CST6: variants seen among roughly 807,000 people sequenced by gnomAD.
CST6 encodes cystatin-M.
In CST6, 8 loss-of-function variants were observed where a neutral mutation model predicts 10.7. The ratio of observed to expected loss-of-function variants is 0.75; its 90% confidence interval spans 0.44 to 1.34. The LOEUF is 1.34. Ranked by LOEUF, CST6 falls within the 40% of genes most tolerant of loss-of-function variation. The pLI is 0.01. For synonymous variants in CST6, 100 were observed against 89.3 expected, an observed-to-expected ratio of 1.12 and a Z score of -0.68; for missense variants, 206 against 205.1, an observed-to-expected ratio of 1.00 and a Z score of -0.03.
Position 66,013,388 on chromosome 11 carries a change from T to C in CST6, c.438T>C (p.Cys146=), listed in dbSNP as rs1856190526. The C allele has an allele frequency of 1.2e-6, 2 of 1,614,098 alleles. No homozygotes were observed. The highest frequency in any genetic ancestry group is 2.2e-5 in the East Asian group (1 of 44,888). ...QNSSQLLKHN[C]VQM ...CCTCTCAGCTCCTAAAGCACAACTG[T>C]GTGCAGATGTGATAAGTCCCCGAGG... Residue 146 remains cysteine (C), a synonymous_variant, in exon 3 of 3, where the codon TGT becomes TGC. Transcript: ENST00000312134.
At position 66,012,299 on chromosome 11, in the gene CST6, G is replaced by A. The variant is rs976022141; in HGVS notation, c.240+15G>A. The A allele has an allele frequency of 2.1e-5, 33 of 1,579,362 alleles. No individual in the cohort carries two copies. The highest frequency in any genetic ancestry group is 2.8e-5 in the Non-Finnish European group (33 of 1,158,770). ...CGCAGAGCCAGGTGCGGCGGGCGGGGTGCTGGGAGGGGACACCCGGCCCAG... is the reference window on the plus strand; with the variant it reads ...CGCAGAGCCAGGTGCGGCGGGCGGGATGCTGGGAGGGGACACCCGGCCCAG... On this transcript the variant is annotated intron_variant, in intron 1 of 2. Coordinates refer to ENST00000312134, the MANE Select transcript of CST6 (RefSeq NM_001323.4).
Position 66,012,829 on chromosome 11 carries a change from G to C in CST6, c.244G>C (p.Val82Leu). The C allele has an allele frequency of 6.2e-7, 1 of 1,603,696 alleles. No individual in the cohort carries two copies. Reference sequence around the variant, plus strand: ...TGCCCCTACCCTATGCCCCCAGCTGGTGGCCGGCATCAAGTACTTCCTGAC... The same window carrying C: ...TGCCCCTACCCTATGCCCCCAGCTGCTGGCCGGCATCAAGTACTTCCTGAC... Reference protein sequence around the residue: ...THIIKAQSQLVAGIKYFLTME... With the variant: ...THIIKAQSQLLAGIKYFLTME... Residue 82 changes from valine (V) to leucine (L), a missense_variant, in exon 2 of 3, where the codon GTG becomes CTG. Physicochemically the swap from Val to Leu is conservative, Grantham distance 32 (BLOSUM62 1). Transcript: ENST00000312134.
chr11:66,012,032 G>C lies in CST6; in HGVS notation c.-13G>C, dbSNP rs770860948. The C allele has an allele frequency of 2.6e-6, 4 of 1,527,722 alleles. No homozygotes were observed. The highest frequency in any genetic ancestry group is 3.5e-6 in the Non-Finnish European group (4 of 1,144,614). The allele number at this position is 1,527,722 out of a possible 1,614,324, so 94.6% of individuals were successfully genotyped here. ...CACTCACGGCTCTGAGGGCTCCGAC[G>C]GCACTGACGGCCATGGCGCGTTCGA... On this transcript the variant is annotated 5_prime_UTR_variant, in exon 1 of 3. Coordinates refer to ENST00000312134, the MANE Select transcript of CST6 (RefSeq NM_001323.4).
intron 2 of CST6, 138 bp from the exon 3 acceptor site, chr11:66,013,179 A>G (rs1177918611): frequency 2.0e-6 from 2 of 990,596 alleles, no homozygotes; most frequent in Non-Finnish European, 3.2e-6. Flanking sequence ...AGCCCCAGAC[A>G]TGCGGCTTGA....
rs1284913152 is a variant in CST6 at position 66,013,425 on chromosome 11, TG to T, written c.*28del. The T allele has an allele frequency of 1.3e-6, 2 of 1,597,890 alleles. No individual in the cohort carries two copies. Among genetic ancestry groups the T allele is most frequent in the Admixed American group, 3.3e-5 (2 of 60,012 alleles). ...ATAAGTCCCCGAGGGCGAAGGCCATTGGGTTTGGGGCCATGGTGGAGGGCAC... is the reference window on the plus strand; with the variant it reads ...ATAAGTCCCCGAGGGCGAAGGCCATTGGTTTGGGGCCATGGTGGAGGGCAC... On this transcript the variant is annotated 3_prime_UTR_variant, in exon 3 of 3. Coordinates refer to ENST00000312134, the MANE Select transcript of CST6 (RefSeq NM_001323.4).
At position 66,012,084 on chromosome 11, in the gene CST6, C is replaced by A; in HGVS notation, c.40C>A (p.Leu14Met). 1 of 1,569,228 alleles carries A rather than the reference C, an allele frequency of 6.4e-7. No individual in the cohort carries two copies. Among genetic ancestry groups the A allele is most frequent in the East Asian group, 2.3e-5 (1 of 43,594 alleles). Reference protein sequence around the residue: ...SNLPLALGLALVAFCLLALPR... With the variant: ...SNLPLALGLAMVAFCLLALPR... ...CCTCCCGCTGGCGCTGGGCCTGGCC[C>A]TGGTCGCATTCTGCCTCCTGGCGCT... The change falls in exon 1 of 3, where the codon CTG (leucine) becomes ATG (methionine). Residue 14 changes from leucine to methionine, a missense_variant. Physicochemically the swap from Leu to Met is conservative, Grantham distance 15. Transcript: ENST00000312134.
chr11:66,013,472 C>G lies in CST6; in HGVS notation c.*72C>G, dbSNP rs905809555. 59 of 1,250,046 alleles carry G rather than the reference C, an allele frequency of 4.7e-5. No individual in the cohort carries two copies. The Admixed American group carries it at 9.6e-4, about 20-fold the overall frequency. The allele number at this position is 1,250,046 out of a possible 1,614,324, so 77.4% of individuals were successfully genotyped here. A position where few individuals can be genotyped will look rare whatever the true frequency, so the allele number is the denominator to read the frequency against. The stretch of plus-strand genomic sequence containing the variant: ...GGCACTTCAGGTCCGTGGGCCGTAT[C>G]TGTCACAATAAATGGCCAGTGCTGC... On this transcript the variant is annotated 3_prime_UTR_variant, in exon 3 of 3. Coordinates refer to ENST00000312134, the MANE Select transcript of CST6 (RefSeq NM_001323.4).
chr11:66,012,551 G>A (rs1454647668), intron 1 of CST6, among the ~76,000 whole-genome samples: 1 of 152,066 alleles, frequency 6.6e-6, no homozygotes, highest in Non-Finnish European at 1.5e-5. Flanking sequence ...GGGGAGGAGG[G>A]AAGGCAGGTG....
Position 66,012,189 on chromosome 11 carries a change from C to A in CST6, c.145C>A (p.Gln49Lys). 2 of 1,578,826 alleles carry A rather than the reference C, an allele frequency of 1.3e-6. No individual in the cohort carries two copies. The highest frequency in any genetic ancestry group is 1.3e-5 in the African/African-American group (1 of 74,538). ...RDLSPDDPQV[Q>K]KAAQAAVASY... ...CCTGTCGCCCGACGACCCGCAGGTG[C>A]AGAAGGCGGCGCAGGCGGCCGTGGC... The change falls in exon 1 of 3, where the codon CAG becomes AAG. Residue 49 changes from glutamine to lysine, a missense_variant. Transcript: ENST00000312134.
At chr11:66,012,369 C>A (rs1207645478) in intron 1 of CST6, 85 bp downstream of exon 1, 1 of 1,424,648 alleles carries the variant, frequency 7.0e-7, no homozygotes, top group East Asian at 2.5e-5. Flanking sequence ...TGAAGGGGGC[C>A]TAAAAGCGCA....
chr11:66,013,494 C>A lies in CST6; in HGVS notation c.*94C>A. 1 of 1,014,280 alleles carries A rather than the reference C, an allele frequency of 9.9e-7. No homozygotes were observed. Among genetic ancestry groups the A allele is most frequent in the Non-Finnish European group, 1.6e-6 (1 of 636,052 alleles). The allele number at this position is 1,014,280 out of a possible 1,614,324, so 62.8% of individuals were successfully genotyped here. A position where few individuals can be genotyped will look rare whatever the true frequency, so the allele number is the denominator to read the frequency against. On this transcript the variant is annotated 3_prime_UTR_variant, in exon 3 of 3. Coordinates refer to ENST00000312134, the MANE Select transcript of CST6 (RefSeq NM_001323.4). ...TATCTGTCACAATAAATGGCCAGTG[C>A]TGCTTCTTGCATTGGTTTCTTCCAA...
intron 2 of CST6, 145 bp from the exon 3 acceptor site, chr11:66,013,172 C>T (rs1175401269): frequency 2.0e-6 from 2 of 983,680 alleles, no homozygotes; most frequent in Non-Finnish European, 3.2e-6. Context: ...GGAGTCTAGC[C>T]CCAGACATGC....
chr11:66,013,384 A>G lies in CST6; in HGVS notation c.434A>G (p.Asn145Ser). The change falls in exon 3 of 3, where the codon AAC becomes AGC. Residue 145 changes from asparagine to serine, a missense_variant. Physicochemically the swap from Asn to Ser is conservative, Grantham distance 46 (BLOSUM62 1). Transcript: ENST00000312134. ...AACTCCTCTCAGCTCCTAAAGCACAACTGTGTGCAGATGTGATAAGTCCCC... is the reference window on the plus strand; with the variant it reads ...AACTCCTCTCAGCTCCTAAAGCACAGCTGTGTGCAGATGTGATAAGTCCCC... ...WQNSSQLLKHNCVQM is the reference protein window; with the variant it reads ...WQNSSQLLKHSCVQM The G allele has an allele frequency of 6.2e-7, 1 of 1,614,122 alleles. No individual in the cohort carries two copies. The highest frequency in any genetic ancestry group is 8.5e-7 in the Non-Finnish European group (1 of 1,179,948).
At chr11:66,013,182 C>T (rs376416455) in intron 2 of CST6, 135 bp from the exon 3 acceptor site, 75 of 994,262 alleles carry the variant, frequency 7.5e-5, no homozygotes, top group African/African-American at 6.8e-4. Flanking sequence ...CCCAGACATG[C>T]GGCTTGACAT....
Position 66,012,141 on chromosome 11 carries a change from C to T in CST6, c.97C>T (p.Arg33Cys). 6.4e-7 allele frequency: 1 copy of T among 1,552,904 alleles called. No homozygotes were observed. The highest frequency in any genetic ancestry group is 1.9e-5 in the Admixed American group (1 of 51,802). ...PRDARARPQE[R>C]MVGELRDLSP... ...CGACGCCCGGGCCCGGCCGCAGGAG[C>T]GCATGGTCGGAGAACTCCGGGACCT... The change falls in exon 1 of 3, where the codon CGC becomes TGC. Residue 33 changes from arginine (R) to cysteine (C), a missense_variant. Transcript: ENST00000312134.
rs1254665888 is a variant in CST6, at chr11:66,012,107, G to A, written c.63G>A (p.Ala21=). The A allele has an allele frequency of 6.4e-7, 1 of 1,557,352 alleles. No individual in the cohort carries two copies. The highest frequency in any genetic ancestry group is 8.6e-7 in the Non-Finnish European group (1 of 1,158,812). ...CCCTGGTCGCATTCTGCCTCCTGGCGCTGCCACGCGACGCCCGGGCCCGGC... is the reference window on the plus strand; with the variant it reads ...CCCTGGTCGCATTCTGCCTCCTGGCACTGCCACGCGACGCCCGGGCCCGGC... ...GLALVAFCLL[A]LPRDARARPQ... The change falls in exon 1 of 3, where the codon GCG becomes GCA. Residue 21 remains alanine (A), a synonymous_variant. Coordinates refer to ENST00000312134, the MANE Select transcript of CST6 (RefSeq NM_001323.4).
intron 2 of CST6, 44 bp from the exon 3 acceptor site, chr11:66,013,273 G>A (rs970680006): frequency 7.0e-6 from 11 of 1,562,600 alleles, no homozygotes; most frequent in South Asian, 1.1e-5. Context: ...GAGACAGGTC[G>A]AGGCTGGGCT....
In CST6 at chr11:66,012,125, G is replaced by A; in HGVS notation, c.81G>A (p.Arg27=). ...TCCTGGCGCTGCCACGCGACGCCCG[G>A]GCCCGGCCGCAGGAGCGCATGGTCG... is the stretch of plus-strand genomic sequence containing the variant. The part of the protein sequence containing the change: ...FCLLALPRDA[R]ARPQERMVGE... The change falls in exon 1 of 3, where the codon CGG becomes CGA. Residue 27 remains arginine, a synonymous_variant. Coordinates refer to ENST00000312134, the MANE Select transcript of CST6 (RefSeq NM_001323.4). 1 of 1,550,088 alleles carries A rather than the reference G, an allele frequency of 6.5e-7. No homozygotes were observed. The highest frequency in any genetic ancestry group is 8.7e-7 in the Non-Finnish European group (1 of 1,153,212).
intron 1 of CST6, 34 bp downstream of exon 1, chr11:66,012,318 G>T (rs1312471702): frequency 6.4e-7 from 1 of 1,552,040 alleles, no homozygotes. Context: ...GGGGACACCC[G>T]GCCCAGATGG....
Sources: gnomAD v4.1 joint callset for allele counts (sites outside exome capture counted in the v4.1 genomes callset) on GRCh38, gnomAD v4.1.1 for gene constraint, MANE v1.5 for transcripts, NCBI Gene and HGNC (gene_info 2026-07-23, HGNC 2026-07-21) for gene names.